ST3GAL3: variants seen among roughly 807,000 people sequenced by gnomAD.
ST3GAL3 encodes the protein ST3 beta-galactoside alpha-2,3-sialyltransferase 3.
In ST3GAL3, 21 loss-of-function variants were observed where a neutral mutation model predicts 50.1. The ratio of observed to expected loss-of-function variants is 0.42; its 90% CI spans 0.30 to 0.60. ST3GAL3 has a LOEUF of 0.60. Ranked by LOEUF, ST3GAL3 falls within the 20% of genes least tolerant of loss-of-function variation. ST3GAL3 has a pLI of 0.19. For missense variants in ST3GAL3, 353 were observed against 489.4 expected (o/e 0.72, Z 2.63); for synonymous variants, 183 against 190.0 (o/e 0.96, Z 0.30).
At chr1:43,858,678 A>C (rs1465892990) in intron 5 of ST3GAL3, among the ~76,000 whole-genome samples, 1 of 152,142 alleles carries the variant, frequency 6.6e-6, no homozygotes, top group Non-Finnish European at 1.5e-5. Context: ...TCTGAGCTCC[A>C]CCCACACAAG....
At chr1:43,751,107 A>G (rs888432561) in intron 2 of ST3GAL3, among the ~76,000 whole-genome samples, 2 of 152,198 alleles carry the variant, frequency 1.3e-5, no homozygotes, top group African/African-American at 4.8e-5. Flanking sequence ...CAGAAGGAAA[A>G]TTATAAGTGG....
At chr1:43,709,706 G>T (rs1214933137) in intron 1 of ST3GAL3, among the ~76,000 whole-genome samples, 1 of 152,000 alleles carries the variant, frequency 6.6e-6, no homozygotes, top group Non-Finnish European at 1.5e-5. Flanking sequence ...AATTAGCCAG[G>T]CGTGGTGGCA....
chr1:43,733,523 A>G (rs1040605179), intron 1 of ST3GAL3, among the ~76,000 whole-genome samples: 12 of 152,140 alleles, frequency 7.9e-5, no homozygotes, highest in African/African-American at 2.2e-4. Flanking sequence ...CTCTTTCTCT[A>G]TTTGAGATAA....
At chr1:43,757,461 T>C (rs1315545479) in intron 2 of ST3GAL3, among the ~76,000 whole-genome samples, 1 of 152,122 alleles carries the variant, frequency 6.6e-6, no homozygotes. Flanking sequence ...AAGATAGATA[T>C]ATAGATCAAT....
At chr1:43,716,087 C>A (rs1571190999) in intron 1 of ST3GAL3, among the ~76,000 whole-genome samples, 1 of 152,246 alleles carries the variant, frequency 6.6e-6, no homozygotes, top group African/African-American at 2.4e-5. Context: ...ACATTAAAAA[C>A]GTCTATTTTC....
rs976605106 is a variant in ST3GAL3, at chr1:43,737,187, G to A, written c.118+807G>A. 2.0e-5 allele frequency: 3 copies of A among 152,550 alleles called. No individual in the cohort carries two copies. The highest frequency in any genetic ancestry group is 4.4e-5 in the Non-Finnish European group (3 of 68,322). 9.4% of individuals were successfully genotyped at this position (152,550 alleles called of 1,614,324 possible). ...TTATCTGAGCTTGGTGTGGGAAATAGTATAAAATCAGAACAGAGTGGCCTG... is the reference window on the plus strand; with the variant it reads ...TTATCTGAGCTTGGTGTGGGAAATAATATAAAATCAGAACAGAGTGGCCTG... On this transcript the variant is annotated intron_variant, in intron 2 of 11. Coordinates refer to ENST00000347631, the MANE Select transcript of ST3GAL3 (RefSeq NM_006279.5). This position sits in a 1 kb window ranked among gnomAD's most constrained non-coding sequence, Gnocchi z 4.0.
chr1:43,881,011 CTT>C (rs952427891), intron 5 of ST3GAL3, among the ~76,000 whole-genome samples: 1 of 145,564 alleles, frequency 6.9e-6, no homozygotes, highest in Non-Finnish European at 1.5e-5. Flanking sequence ...ACTCTGAGTT[CTT>C]TTTTTTTTTT....
At position 43,881,548 on chromosome 1, in the gene ST3GAL3, C is replaced by T. The variant is rs576681638; in HGVS notation, c.303-12835C>T. Among the ~76,000 whole-genome samples, 8 of 152,298 alleles carry T rather than the reference C, an allele frequency of 5.3e-5. No homozygotes were observed. In the East Asian group the frequency reaches 9.7e-4, roughly 18 times the overall value. Reference sequence around the variant, plus strand: ...TTTCCTCCCCTACGTTCCCCACTTCCCTCCCTCCTTCCTCTACACAAGGCA... The same window carrying T: ...TTTCCTCCCCTACGTTCCCCACTTCTCTCCCTCCTTCCTCTACACAAGGCA... On this transcript the variant is annotated intron_variant, in intron 5 of 11. Transcript: ENST00000347631.
At chr1:43,754,922 T>A (rs1687492814) in intron 2 of ST3GAL3, among the ~76,000 whole-genome samples, 1 of 131,358 alleles carries the variant, frequency 7.6e-6, no homozygotes, top group East Asian at 2.7e-4. Flanking sequence ...CAAAACCCTG[T>A]CTCAAAAAAA....
intron 2 of ST3GAL3, among the ~76,000 whole-genome samples, chr1:43,778,330 G>C (rs1476758958): frequency 6.6e-6 from 1 of 152,140 alleles, no homozygotes; most frequent in East Asian, 1.9e-4. Context: ...TTAATACCTA[G>C]GTGATGGGTT....
At chr1:43,759,056 A>C in intron 2 of ST3GAL3, among the ~76,000 whole-genome samples, 1 of 112,574 alleles carries the variant, frequency 8.9e-6, no homozygotes, top group Non-Finnish European at 1.7e-5. Context: ...AAAACAAACA[A>C]AAGCGCGCGC....
At chr1:43,771,445 C>T (rs1051610396) in intron 2 of ST3GAL3, among the ~76,000 whole-genome samples, 2 of 151,764 alleles carry the variant, frequency 1.3e-5, no homozygotes, top group Non-Finnish European at 2.9e-5. Flanking sequence ...GCAGGCTCCG[C>T]CCCCGGGGTT....
chr1:43,847,920 C>T (rs1252234082), intron 5 of ST3GAL3, among the ~76,000 whole-genome samples: 1 of 151,990 alleles, frequency 6.6e-6, no homozygotes, highest in Non-Finnish European at 1.5e-5. Flanking sequence ...ATATGGTATC[C>T]TCTTTCTTCT....
At chr1:43,773,769 A>T (rs1044905571) in intron 2 of ST3GAL3, among the ~76,000 whole-genome samples, 1 of 152,216 alleles carries the variant, frequency 6.6e-6, no homozygotes, top group Non-Finnish European at 1.5e-5. Context: ...TTAATAATTA[A>T]CTTACTAATC....
intron 5 of ST3GAL3, among the ~76,000 whole-genome samples, chr1:43,848,046 A>T (rs114523105): frequency 0.039 from 5,926 of 152,186 alleles, 382 homozygotes; most frequent in African/African-American, 0.14. Flanking sequence ...AAAGATTTTT[A>T]AAAATGTTTT....
chr1:43,864,981 C>T (rs540739954), intron 5 of ST3GAL3, among the ~76,000 whole-genome samples: 12 of 151,680 alleles, frequency 7.9e-5, no homozygotes, highest in African/African-American at 2.4e-4. Context: ...TTTTTTTTTC[C>T]GATTTCTTCC....
At chr1:43,906,050 C>T (rs558815219) in intron 9 of ST3GAL3, among the ~76,000 whole-genome samples, 28 of 120,094 alleles carry the variant, frequency 2.3e-4, no homozygotes, top group African/African-American at 8.7e-4. Context: ...CCCCCTCCCC[C>T]TCCTGCTCCT....
chr1:43,713,520 G>A (rs2154059731), intron 1 of ST3GAL3, among the ~76,000 whole-genome samples: 1 of 129,230 alleles, frequency 7.7e-6, no homozygotes, highest in South Asian at 2.9e-4. Flanking sequence ...CAACGTTGTG[G>A]GATTTTTTTT....
intron 3 of ST3GAL3, among the ~76,000 whole-genome samples, chr1:43,814,223 C>A (rs892639209): frequency 2.6e-5 from 4 of 152,134 alleles, no homozygotes; most frequent in African/African-American, 9.7e-5. Flanking sequence ...CTGCATTTTC[C>A]TATGTTTATG....
Sources: allele counts gnomAD v4.1 joint callset (sites outside exome capture counted in the v4.1 genomes callset), GRCh38; gene constraint gnomAD v4.1.1; non-coding constraint Gnocchi (gnomAD v3.1); transcripts MANE v1.5; gene names NCBI Gene and HGNC (gene_info 2026-07-23, HGNC 2026-07-21).